LRP2: variants seen among roughly 807,000 people sequenced by gnomAD.
LRP2 encodes the protein LDL receptor related protein 2, also known as low-density lipoprotein receptor-related protein 2.
LRP2 carries 172 observed loss-of-function variants against 531.0 expected under a neutral mutation model. That is an observed-to-expected ratio of 0.32 (90% CI 0.29 to 0.37). LRP2 has a LOEUF of 0.37. Ranked by LOEUF, LRP2 falls within the 10% of genes least tolerant of loss-of-function variation. LRP2 has a pLI of 1.00. For synonymous variants in LRP2, 1,992 were observed against 2,027.6 expected (o/e 0.98, Z 0.47); for missense variants, 5,167 against 5,868.3 (o/e 0.88, Z 3.90).
At position 169,233,488 on chromosome 2, in the gene LRP2, C is replaced by T. The variant is rs1267698274; in HGVS notation, c.5021G>A (p.Gly1674Glu). 6.2e-7 allele frequency: 1 copy of T among 1,614,132 alleles called. No individual in the cohort carries two copies. The highest frequency in any genetic ancestry group is 2.2e-5 in the East Asian group (1 of 44,878). ...ATTATACATTACAACTGACTGGTTC[C>T]CTCCATGCCACTTGTTGGCTCGCAT... ...RVMRANKWHG[G>E]NQSVVMYNIQ... is the part of the protein sequence containing the mutation. Residue 1674 changes from glycine (G) to glutamate (E), a missense_variant, in exon 30 of 79, where the codon GGG becomes GAG. Coordinates refer to ENST00000649046, the MANE Select transcript of LRP2 (RefSeq NM_004525.3).
intron 76 of LRP2, among the ~76,000 whole-genome samples, 162 bp from the exon 77 acceptor site, chr2:169,132,843 A>T (rs1685344125): frequency 6.6e-6 from 1 of 152,182 alleles, no homozygotes; most frequent in Non-Finnish European, 1.5e-5. Context: ...CCAGGACTAA[A>T]CATCACTCCC....
chr2:169,222,143 C>A (rs1017814948), intron 33 of LRP2, among the ~76,000 whole-genome samples: 1 of 152,184 alleles, frequency 6.6e-6, no homozygotes, highest in Non-Finnish European at 1.5e-5. Context: ...GGAAGACTTA[C>A]TTACAATTTA....
rs73971823 is a variant in LRP2 at position 169,238,300 on chromosome 2, A to T, written c.4297T>A (p.Ser1433Thr). 6.8e-6 allele frequency: 11 copies of T among 1,612,258 alleles called. No individual in the cohort carries two copies. The African/African-American group carries it at 1.5e-4, about 21-fold the overall frequency. The change falls in exon 27 of 79, where the codon TCT becomes ACT. Residue 1433 changes from serine (S) to threonine (T), a missense_variant and splice_region_variant. Physicochemically the swap from Ser to Thr is moderately conservative, Grantham distance 58 (BLOSUM62 1). Coordinates refer to ENST00000649046, the MANE Select transcript of LRP2 (RefSeq NM_004525.3). ...SDGRTCKVTA[S>T]ESLLLLVASQ... ...GCCACAAGTAACAGCAGACTCTCAG[A>T]TGCTGTTCAAGAAAAAAATGCAAAA...
At chr2:169,333,396 G>T (rs941416229) in intron 1 of LRP2, among the ~76,000 whole-genome samples, 1 of 151,594 alleles carries the variant, frequency 6.6e-6, no homozygotes, top group African/African-American at 2.4e-5. Flanking sequence ...AACTATATAT[G>T]ATGTGTTAGA....
rs570664576 is a variant in LRP2 at position 169,256,128 on chromosome 2, C to T, written c.2748G>A (p.Pro916=). The T allele has an allele frequency of 2.2e-5, 35 of 1,612,932 alleles. No homozygotes were observed. The highest frequency in any genetic ancestry group is 1.7e-4 in the Middle Eastern group (1 of 6,048). Reference sequence around the variant, plus strand: ...TACCTCCAAAGATGGCAAGTCCAAACGGATGTGTCATCTGCTCTATATGGC... The same window carrying T: ...TACCTCCAAAGATGGCAAGTCCAAATGGATGTGTCATCTGCTCTATATGGC... ...RLGHIEQMTH[P]FGLAIFGEHL... is the part of the protein sequence containing the mutation. The change falls in exon 19 of 79, where the codon CCG becomes CCA. Residue 916 remains proline (P), a synonymous_variant. Coordinates refer to ENST00000649046, the MANE Select transcript of LRP2 (RefSeq NM_004525.3).
Position 169,173,213 on chromosome 2 carries a change from G to T in LRP2, c.11026C>A (p.His3676Asn), listed in dbSNP as rs183607835. ...AATTCTGTGAAGTTGTCACAGAGATGGGCAGAGCTCACTGAAAAGGGAGGA... is the reference window on the plus strand; with the variant it reads ...AATTCTGTGAAGTTGTCACAGAGATTGGCAGAGCTCACTGAAAAGGGAGGA... ...EPIEECMSSA[H>N]LCDNFTEFSC... Residue 3676 changes from histidine to asparagine, a missense_variant, in exon 57 of 79, where the codon CAT becomes AAT. By Grantham distance (68) the His-to-Asn change is moderately conservative. Around this residue, in one of 6 missense-constraint regions of LRP2, gnomAD observed 311 missense variants for 309.4 expected, o/e 1.01. Transcript: ENST00000649046. The T allele has an allele frequency of 6.2e-7, 1 of 1,614,142 alleles. No homozygotes were observed. The highest frequency in any genetic ancestry group is 8.5e-7 in the Non-Finnish European group (1 of 1,180,028).
At chr2:169,145,229 G>A (rs553899352) in intron 70 of LRP2, among the ~76,000 whole-genome samples, 9 of 152,152 alleles carry the variant, frequency 5.9e-5, no homozygotes, top group South Asian at 2.1e-4. Flanking sequence ...ATAAATTAGC[G>A]CACAGGTAAC....
intron 3 of LRP2, among the ~76,000 whole-genome samples, chr2:169,317,952 C>T (rs1684810414): frequency 6.6e-6 from 1 of 152,028 alleles, no homozygotes; most frequent in Admixed American, 6.6e-5. Flanking sequence ...TGGTGCACAC[C>T]TATAGTCCCA....
At chr2:169,169,662 T>C (rs759330882) in intron 60 of LRP2, 40 bp downstream of exon 60, 1 of 1,468,938 alleles carries the variant, frequency 6.8e-7, no homozygotes, top group Non-Finnish European at 9.5e-7. Context: ...ATATCCATGC[T>C]CTCAGGTAAG....
At chr2:169,310,340 T>C (rs1393450248) in intron 3 of LRP2, among the ~76,000 whole-genome samples, 1 of 152,222 alleles carries the variant, frequency 6.6e-6, no homozygotes. Context: ...TGTGGGTTTG[T>C]CATAAATAGC....
chr2:169,267,099 A>G (rs1683226389), intron 16 of LRP2, among the ~76,000 whole-genome samples: 2 of 151,566 alleles, frequency 1.3e-5, no homozygotes, highest in Non-Finnish European at 2.9e-5. Context: ...TATGTTGCTC[A>G]GGCTGGTCTC....
intron 11 of LRP2, among the ~76,000 whole-genome samples, chr2:169,280,111 T>C (rs1036018239): frequency 1.3e-5 from 2 of 152,234 alleles, no homozygotes; most frequent in South Asian, 2.1e-4. Flanking sequence ...ATTAGGCTCC[T>C]GGACTCCACT....
Position 169,128,812 on chromosome 2 carries a change from C to G in LRP2, c.13819G>C (p.Glu4607Gln), listed in dbSNP as rs1325911888. 1.2e-6 allele frequency: 2 copies of G among 1,613,926 alleles called. No homozygotes were observed. The highest frequency in any genetic ancestry group is 2.2e-5 in the East Asian group (1 of 44,894). ...IYAQMENEQKESVAATPPPSP... is the reference protein window; with the variant it reads ...IYAQMENEQKQSVAATPPPSP... ...GGAGGTGGTGTCGCAGCAACACTTT[C>G]CTTTTGCTCGTTCTCCATCTAAGAA... Residue 4607 changes from glutamate (E) to glutamine (Q), a missense_variant, in exon 79 of 79, where the codon GAA becomes CAA. By Grantham distance (29) the Glu-to-Gln change is conservative. Coordinates refer to ENST00000649046, the MANE Select transcript of LRP2 (RefSeq NM_004525.3).
intron 3 of LRP2, among the ~76,000 whole-genome samples, chr2:169,314,550 C>G (rs1258280181): frequency 2.0e-5 from 3 of 152,126 alleles, no homozygotes; most frequent in Admixed American, 2.0e-4. Flanking sequence ...AATTAACACC[C>G]TTCTCCATGC....
chr2:169,305,571 T>A (rs1356105676), intron 4 of LRP2, among the ~76,000 whole-genome samples: 4 of 152,226 alleles, frequency 2.6e-5, no homozygotes, highest in Non-Finnish European at 2.9e-5. Context: ...AAAACTTGAA[T>A]CTTCCGTTGG....
At chr2:169,201,419 C>T (rs986324203) in intron 44 of LRP2, among the ~76,000 whole-genome samples, 3 of 152,124 alleles carry the variant, frequency 2.0e-5, no homozygotes, top group African/African-American at 7.2e-5. Context: ...GACTAGGAGT[C>T]ACTTTAAAAT....
At position 169,155,797 on chromosome 2, in the gene LRP2, A is replaced by G. The variant is rs145981063; in HGVS notation, c.12151+477T>C. 6.8e-3 allele frequency among the ~76,000 whole-genome samples: 1,034 copies of G among 152,294 alleles called. 6 individuals are homozygous for G. Among genetic ancestry groups the G allele is most frequent in the Non-Finnish European group, 0.011 (744 of 68,018 alleles). The stretch of plus-strand genomic sequence containing the variant: ...CTGTGATCAGTAGTCCATGAACAAT[A>G]CAAAAGGGATATGTCCTTGATTTGC... On this transcript the variant is annotated intron_variant, in intron 65 of 78. Transcript: ENST00000649046.
intron 1 of LRP2, among the ~76,000 whole-genome samples, chr2:169,341,168 G>T (rs549485210): frequency 6.6e-6 from 1 of 152,232 alleles, no homozygotes; most frequent in Admixed American, 6.5e-5. Context: ...GGGAGGGGAC[G>T]CCTCACAGAG....
chr2:169,255,908 C>T (rs1468706695), intron 19 of LRP2, among the ~76,000 whole-genome samples, 198 bp downstream of exon 19: 3 of 151,984 alleles, frequency 2.0e-5, no homozygotes, highest in East Asian at 3.9e-4. Context: ...ATATACAAAA[C>T]AAAAATCACA....
Sources: gnomAD v4.1 joint callset for allele counts (sites outside exome capture counted in the v4.1 genomes callset) on GRCh38, gnomAD v4.1.1 for gene constraint, gnomAD v4.1.1 regional missense constraint, MANE v1.5 for transcripts, NCBI Gene and HGNC (gene_info 2026-07-23, HGNC 2026-07-21) for gene names.